NREP: variants seen among roughly 807,000 people sequenced by gnomAD.
The protein encoded by NREP is neuronal regeneration related protein.
NREP carries 5 observed loss-of-function variants against 8.6 expected under a neutral mutation model. That is an observed-to-expected ratio of 0.58 (90% CI 0.30 to 1.22). NREP has a LOEUF of 1.22. NREP is among the 50% of genes most tolerant of loss of function. The pLI is 0.07. For missense variants in NREP, 86 were observed against 82.5 expected, an observed-to-expected ratio of 1.04 and a Z score of -0.17; for synonymous variants, 27 against 28.0, an observed-to-expected ratio of 0.96 and a Z score of 0.11.
chr5:111,733,240 A>ACT (rs1748767820), intron 3 of NREP: 1 of 152,178 alleles, frequency 6.6e-6, no homozygotes, highest in Non-Finnish European at 1.5e-5. Context: ...AGAAACAGTA[A>ACT]CAGTCCCTGC....
chr5:111,837,554 TAA>T (rs1175329193), intron 2 of NREP, among the ~76,000 whole-genome samples: 1 of 152,100 alleles, frequency 6.6e-6, no homozygotes, highest in Non-Finnish European at 1.5e-5. Context: ...AAGTGGTAAT[TAA>T]AAGAGATAAG....
chr5:111,887,009 A>G (rs1044915427), intron 2 of NREP, among the ~76,000 whole-genome samples: 2 of 151,878 alleles, frequency 1.3e-5, no homozygotes, highest in Non-Finnish European at 2.9e-5. Flanking sequence ...TAAAAAAAAA[A>G]ACATCCCAGG....
rs1317131504 is a variant in NREP, at chr5:111,729,743, TA to T, written c.*1177del. On this transcript the variant is annotated 3_prime_UTR_variant, in exon 4 of 4. Transcript: ENST00000257435. ...GAGTAGATGGTAATTTATTTTTGTT[TA>T]TCCATTTCGTTGGGAGCAAGGACAA... 1.3e-5 allele frequency: 2 copies of T among 152,646 alleles called. No individual in the cohort carries two copies. Among genetic ancestry groups the T allele is most frequent in the Non-Finnish European group, 2.9e-5 (2 of 68,038 alleles). 9.5% of individuals were successfully genotyped at this position (152,646 alleles called of 1,614,324 possible). A position where few individuals can be genotyped will look rare whatever the true frequency, so the allele number is the denominator to read the frequency against.
chr5:111,821,418 G>A (rs1225929670), intron 2 of NREP, among the ~76,000 whole-genome samples: 2 of 151,646 alleles, frequency 1.3e-5, no homozygotes, highest in Non-Finnish European at 2.9e-5. Context: ...TCAAGCATGT[G>A]TACATGAAAA....
At chr5:111,931,122 C>T (rs1438760467) in intron 2 of NREP, among the ~76,000 whole-genome samples, 2 of 151,962 alleles carry the variant, frequency 1.3e-5, no homozygotes, top group Non-Finnish European at 2.9e-5. Context: ...TCTTCTTGTG[C>T]CCTTAGTATT....
chr5:111,734,628 C>A (rs2112788967), intron 3 of NREP: 1 of 594,524 alleles, frequency 1.7e-6, no homozygotes. Flanking sequence ...AAAATAATTT[C>A]TTAAACATTG....
intron 2 of NREP, among the ~76,000 whole-genome samples, chr5:111,942,602 A>G (rs539667844): frequency 1.8e-4 from 27 of 152,142 alleles, no homozygotes; most frequent in Middle Eastern, 3.4e-3. Context: ...ATGATATAGA[A>G]GTTGATATTC....
intron 2 of NREP, among the ~76,000 whole-genome samples, chr5:111,879,962 T>C (rs532219437): frequency 2.6e-5 from 4 of 152,336 alleles, no homozygotes; most frequent in Admixed American, 2.6e-4. Context: ...TATCATCACC[T>C]TAAGGGCTGG....
chr5:111,735,552 C>G (rs758759414), intron 2 of NREP, 45 bp from the exon 3 acceptor site: 109 of 1,415,722 alleles, frequency 7.7e-5, no homozygotes, highest in Non-Finnish European at 1.0e-4. Context: ...AAAACAGGAT[C>G]CACTCTGAAA....
intron 2 of NREP, chr5:111,739,313 T>C (rs752262468): frequency 2.0e-5 from 3 of 152,184 alleles, no homozygotes; most frequent in Non-Finnish European, 4.4e-5. Flanking sequence ...AGGAAGATGA[T>C]AGAAGGGTGA....
intron 2 of NREP, among the ~76,000 whole-genome samples, chr5:111,930,144 T>C (rs969212924): frequency 3.3e-5 from 5 of 152,104 alleles, no homozygotes; most frequent in African/African-American, 4.8e-5. Context: ...TGGCCCTCAA[T>C]TGCCTGAATT....
intron 2 of NREP, among the ~76,000 whole-genome samples, chr5:111,787,263 CACTT>C (rs1228742787): frequency 6.6e-6 from 1 of 152,172 alleles, no homozygotes; most frequent in Non-Finnish European, 1.5e-5. Flanking sequence ...AAGCCACACA[CACTT>C]CAGCTCCAAT....
intron 2 of NREP, among the ~76,000 whole-genome samples, chr5:111,864,207 C>A (rs1035448851): frequency 1.3e-5 from 2 of 152,090 alleles, no homozygotes; most frequent in African/African-American, 4.8e-5. Flanking sequence ...ACTAAACATC[C>A]ATTACTGGGG....
intron 2 of NREP, among the ~76,000 whole-genome samples, chr5:111,808,574 G>C (rs1339948994): frequency 2.6e-5 from 4 of 151,876 alleles, no homozygotes; most frequent in Non-Finnish European, 5.9e-5. Flanking sequence ...TTTTTGTTTA[G>C]CAAACTATTC....
At chr5:111,971,566 T>A (rs1581262912) in intron 2 of NREP, among the ~76,000 whole-genome samples, 2 of 152,134 alleles carry the variant, frequency 1.3e-5, no homozygotes, top group Admixed American at 1.3e-4. Context: ...CAGAAATAAA[T>A]CCATGCATTT....
intron 2 of NREP, among the ~76,000 whole-genome samples, chr5:111,828,099 C>T (rs747266859): frequency 8.2e-4 from 124 of 151,648 alleles, no homozygotes; most frequent in Non-Finnish European, 1.5e-3. Context: ...GGCACGATCT[C>T]GGCTCACCGC....
intron 2 of NREP, among the ~76,000 whole-genome samples, chr5:111,922,555 C>T (rs1181603133): frequency 6.6e-6 from 1 of 152,114 alleles, no homozygotes; most frequent in South Asian, 2.1e-4. Flanking sequence ...ATTCTCTGAG[C>T]TCGATGGAGA....
chr5:111,732,479 G>T (rs1424204394), intron 3 of NREP: 1 of 151,674 alleles, frequency 6.6e-6, no homozygotes, highest in Non-Finnish European at 1.5e-5. Flanking sequence ...TGATTTTAGA[G>T]GTTGTTTTGG....
rs116230433 is a variant in NREP, at chr5:111,743,052, C to A, written c.4-7545G>T. ...TCAGCAATGAAGAGAAAACAAAGTA[C>A]AAATGGCTGGTAACAGCCCAAAGTA... On this transcript the variant is annotated intron_variant, in intron 2 of 3. Transcript: ENST00000257435. 5.0e-3 allele frequency among the ~76,000 whole-genome samples: 761 copies of A among 152,166 alleles called. 4 individuals carry two copies. The highest frequency in any genetic ancestry group is 0.017 in the African/African-American group (713 of 41,538).
Sources: gnomAD v4.1 joint callset for allele counts (sites outside exome capture counted in the v4.1 genomes callset) on GRCh38, gnomAD v4.1.1 for gene constraint, MANE v1.5 for transcripts, NCBI Gene and HGNC (gene_info 2026-07-23, HGNC 2026-07-21) for gene names.